NR6A1: variants seen among roughly 807,000 people sequenced by gnomAD.
NR6A1 encodes the protein nuclear receptor subfamily 6 group A member 1, also known as retinoic acid receptor-related testis-associated receptor.
NR6A1 carries 7 observed loss-of-function variants against 59.1 expected under a neutral mutation model. The observed-to-expected ratio is 0.12, with a 90% CI of 0.07 to 0.22. The LOEUF is 0.22. Ranked by LOEUF, NR6A1 falls within the 10% of genes least tolerant of loss-of-function variation. The pLI is 1.00. For synonymous variants in NR6A1, 243 were observed against 236.1 expected (o/e 1.03, Z -0.27); for missense variants, 468 against 611.6 (o/e 0.77, Z 2.48).
At chr9:124,525,605 C>T (rs1209885585) in intron 8 of NR6A1, among the ~76,000 whole-genome samples, 2 of 151,966 alleles carry the variant, frequency 1.3e-5, no homozygotes, top group African/African-American at 4.8e-5. Flanking sequence ...GATCCTCCTG[C>T]CTTGGCCTCT....
At chr9:124,625,503 G>A (rs1259729947) in intron 2 of NR6A1, among the ~76,000 whole-genome samples, 1 of 152,092 alleles carries the variant, frequency 6.6e-6, no homozygotes, top group Non-Finnish European at 1.5e-5. Context: ...ATTCTTTTTT[G>A]TAGAGGTGGG....
rs1311121837 is a variant in NR6A1 at position 124,771,134 on chromosome 9, G to A, written c.-15C>T. On this transcript the variant is annotated 5_prime_UTR_variant, in exon 1 of 10. Coordinates refer to ENST00000487099, the MANE Select transcript of NR6A1 (RefSeq NM_033334.4). ...TCCCGCTCCATGCGGTGGTGCCTAGGGTCCGCGCCGGGTTTGTTGCTCCGC... is the reference window on the plus strand; with the variant it reads ...TCCCGCTCCATGCGGTGGTGCCTAGAGTCCGCGCCGGGTTTGTTGCTCCGC... 8 of 1,214,330 alleles carry A rather than the reference G, an allele frequency of 6.6e-6. No homozygotes were observed. The highest frequency in any genetic ancestry group is 2.8e-4 in the Middle Eastern group (1 of 3,634). 75.2% of individuals were successfully genotyped at this position (1,214,330 alleles called of 1,614,324 possible). A position where few individuals can be genotyped will look rare whatever the true frequency, so the allele number is the denominator to read the frequency against.
intron 2 of NR6A1, among the ~76,000 whole-genome samples, chr9:124,713,145 A>G (rs1409316392): frequency 6.6e-6 from 1 of 152,230 alleles, no homozygotes; most frequent in Non-Finnish European, 1.5e-5. Context: ...AAGGTTACCA[A>G]GACCACTCAA....
chr9:124,748,167 C>G (rs1287331017), intron 1 of NR6A1, among the ~76,000 whole-genome samples: 1 of 152,124 alleles, frequency 6.6e-6, no homozygotes, highest in Non-Finnish European at 1.5e-5. Context: ...AGGCAAGATG[C>G]CTTGCTTCAG....
At position 124,602,768 on chromosome 9, in the gene NR6A1, T is replaced by C. The variant is rs113058775; in HGVS notation, c.143-48198A>G. Among the ~76,000 whole-genome samples the C allele has an allele frequency of 5.3e-3, 806 of 152,302 alleles. 6 individuals are homozygous for C. Among genetic ancestry groups the C allele is most frequent in the African/African-American group, 0.018 (750 of 41,568 alleles). On this transcript the variant is annotated intron_variant, in intron 2 of 9. Transcript: ENST00000487099. ...CCCCATTAAGTGTGGCATGATCTCA[T>C]TGAGTCCCATCAGTGGTTCCCAGGA...
chr9:124,557,852 C>T (rs1833974483), intron 2 of NR6A1, among the ~76,000 whole-genome samples: 1 of 152,122 alleles, frequency 6.6e-6, no homozygotes, highest in African/African-American at 2.4e-5. Context: ...AAACCAGAGC[C>T]TTATTAGAAT....
chr9:124,536,856 C>T (rs1449805544), intron 6 of NR6A1, among the ~76,000 whole-genome samples: 1 of 152,150 alleles, frequency 6.6e-6, no homozygotes, highest in Non-Finnish European at 1.5e-5. Context: ...CGCGTCCAGA[C>T]CACTGAAGGA....
At chr9:124,751,942 T>C (rs1840511913) in intron 1 of NR6A1, among the ~76,000 whole-genome samples, 1 of 152,248 alleles carries the variant, frequency 6.6e-6, no homozygotes, top group South Asian at 2.1e-4. Context: ...AAATTCCTCC[T>C]TTTGTATTTG....
chr9:124,535,602 A>G (rs1186524105), intron 7 of NR6A1, among the ~76,000 whole-genome samples: 3 of 152,216 alleles, frequency 2.0e-5, no homozygotes, highest in East Asian at 1.9e-4. Flanking sequence ...TTTAAAAAAA[A>G]TTACAGCTTA....
At chr9:124,574,023 G>A (rs952193054) in intron 2 of NR6A1, among the ~76,000 whole-genome samples, 2 of 152,148 alleles carry the variant, frequency 1.3e-5, no homozygotes, top group Non-Finnish European at 2.9e-5. Flanking sequence ...ACATCAATAT[G>A]TAAATATGTA....
At chr9:124,761,408 C>T (rs750869243) in intron 1 of NR6A1, among the ~76,000 whole-genome samples, 24 of 152,186 alleles carry the variant, frequency 1.6e-4, no homozygotes, top group Non-Finnish European at 3.2e-4. Context: ...TGTTATGTGA[C>T]ATTTCTTCAG....
At chr9:124,742,793 G>A (rs1390360860) in intron 1 of NR6A1, among the ~76,000 whole-genome samples, 3 of 151,394 alleles carry the variant, frequency 2.0e-5, no homozygotes, top group East Asian at 2.0e-4. Context: ...GGAGAATCAC[G>A]TGAACCCGGG....
chr9:124,746,629 T>A (rs1227895290), intron 1 of NR6A1, among the ~76,000 whole-genome samples: 2 of 151,960 alleles, frequency 1.3e-5, no homozygotes, highest in Non-Finnish European at 2.9e-5. Flanking sequence ...CCAAAAGAAA[T>A]TTTTAAAAAC....
intron 2 of NR6A1, chr9:124,599,680 G>T: frequency 3.3e-6 from 3 of 915,980 alleles, no homozygotes; most frequent in Non-Finnish European, 4.2e-6. Flanking sequence ...GTCTGGCCAT[G>T]AAGTCCAAAT....
intron 2 of NR6A1, among the ~76,000 whole-genome samples, chr9:124,655,224 A>T (rs1234792321): frequency 6.6e-6 from 1 of 152,158 alleles, no homozygotes; most frequent in Non-Finnish European, 1.5e-5. Flanking sequence ...TTCCAAACCC[A>T]CTGATCATCA....
intron 2 of NR6A1, among the ~76,000 whole-genome samples, chr9:124,622,142 G>A (rs952021679): frequency 6.6e-6 from 1 of 152,142 alleles, no homozygotes; most frequent in Non-Finnish European, 1.5e-5. Flanking sequence ...CTTGAGCCTG[G>A]GAGGCAGAGG....
chr9:124,668,181 G>A (rs550594232), intron 2 of NR6A1, among the ~76,000 whole-genome samples: 1 of 152,142 alleles, frequency 6.6e-6, no homozygotes, highest in Non-Finnish European at 1.5e-5. Context: ...AAAAGAAAAT[G>A]TTATTAAGAA....
chr9:124,728,042 C>G lies in NR6A1; in HGVS notation c.142+5266G>C, dbSNP rs559420402. Among the ~76,000 whole-genome samples, 88 of 140,464 alleles carry G rather than the reference C, an allele frequency of 6.3e-4. 1 individual carries two copies. In the South Asian group the frequency reaches 0.019, roughly 31 times the overall value. 92.1% of individuals were successfully genotyped at this position (140,464 alleles called of 152,430 possible). On this transcript the variant is annotated intron_variant, in intron 2 of 9. Coordinates refer to ENST00000487099, the MANE Select transcript of NR6A1 (RefSeq NM_033334.4). ...TATTTTTGTATTTATTTATTTTTTTCTTGAGACATAGTCTCACTCTGTCAC... is the reference window on the plus strand; with the variant it reads ...TATTTTTGTATTTATTTATTTTTTTGTTGAGACATAGTCTCACTCTGTCAC...
At position 124,631,539 on chromosome 9, in the gene NR6A1, T is replaced by C. The variant is rs745752975; in HGVS notation, c.143-76969A>G. Among the ~76,000 whole-genome samples, 41 of 152,224 alleles carry C rather than the reference T, an allele frequency of 2.7e-4. 1 individual carries two copies. The highest frequency in any genetic ancestry group is 3.7e-4 in the Non-Finnish European group (25 of 68,038). On this transcript the variant is annotated intron_variant, in intron 2 of 9. Coordinates refer to ENST00000487099, the MANE Select transcript of NR6A1 (RefSeq NM_033334.4). ...AATGATAGGCCAGCTGTCAGACATA[T>C]ACATTGTAGGGAGAATGGGGCCAAG...
Sources: allele counts gnomAD v4.1 joint callset (sites outside exome capture counted in the v4.1 genomes callset), GRCh38; gene constraint gnomAD v4.1.1; transcripts MANE v1.5; gene names NCBI Gene and HGNC (gene_info 2026-07-23, HGNC 2026-07-21).